Variants in IL1RL1 observed in about 807,000 individuals in gnomAD.
IL1RL1 encodes the protein interleukin 1 receptor like 1.
IL1RL1 carries 32 observed loss-of-function variants against 50.9 expected under a neutral mutation model. That is an observed-to-expected ratio of 0.63 (90% CI 0.47 to 0.84). The LOEUF (loss-of-function observed/expected upper bound fraction) is 0.84. IL1RL1 is among the 40% of genes least tolerant of loss of function. The probability of loss-of-function intolerance (pLI) is 0.00; values close to 1 mark genes in which losing one functional copy is unlikely to be tolerated. For synonymous variants in IL1RL1, 275 were observed against 236.0 expected (o/e 1.17, Z -1.51); for missense variants, 773 against 662.9 (o/e 1.17, Z -1.82).
At chr2:102,341,710 G>T (rs996982737) in intron 5 of IL1RL1, among the ~76,000 whole-genome samples, 6 of 152,152 alleles carry the variant, frequency 3.9e-5, no homozygotes, top group African/African-American at 1.4e-4. Flanking sequence ...ATGGAGGATT[G>T]CAGCAGTGCT....
At chr2:102,329,590 T>A (rs1213797703) in intron 1 of IL1RL1, among the ~76,000 whole-genome samples, 1 of 152,164 alleles carries the variant, frequency 6.6e-6, no homozygotes, top group East Asian at 1.9e-4. Flanking sequence ...AATCTACTTA[T>A]CTGACAAAGG....
At chr2:102,343,926 C>T (rs192786331) in intron 8 of IL1RL1, 1 of 992,918 alleles carries the variant, frequency 1.0e-6, no homozygotes, top group African/African-American at 1.7e-5. Context: ...ATCCTAGGTG[C>T]TACTTTATAA....
intron 1 of IL1RL1, among the ~76,000 whole-genome samples, chr2:102,321,166 G>T (rs1676826031): frequency 6.6e-6 from 1 of 152,148 alleles, no homozygotes; most frequent in South Asian, 2.1e-4. Context: ...GGCCTTCCCA[G>T]GACATCTGGC....
chr2:102,340,627 G>A, intron 4 of IL1RL1, 39 bp from the exon 5 acceptor site: 1 of 1,567,414 alleles, frequency 6.4e-7, no homozygotes, highest in Non-Finnish European at 8.6e-7. Context: ...AAATAAAAGT[G>A]AAGAATTACT....
chr2:102,313,564 C>A (rs1197505862), intron 1 of IL1RL1: 1 of 152,198 alleles, frequency 6.6e-6, no homozygotes, highest in Non-Finnish European at 1.5e-5. Context: ...TAGGAGAATT[C>A]TTCCTCTATG....
chr2:102,316,013 C>T (rs537275560), intron 1 of IL1RL1, among the ~76,000 whole-genome samples: 1 of 152,300 alleles, frequency 6.6e-6, no homozygotes, highest in Admixed American at 6.5e-5. Context: ...TCATCCTCCC[C>T]TTATCTCAGT....
Position 102,351,891 on chromosome 2 carries a change from T to C in IL1RL1, c.1641T>C (p.Ser547=). The stretch of plus-strand genomic sequence containing the variant: ...GCAAAATTCCCAGAAAGGCCTCTAG[T>C]TTGACTCCCTTGGCTGCCCAGAAGC... The part of the protein sequence containing the change: ...VPSKIPRKAS[S]LTPLAAQKQ The change falls in exon 11 of 11, where the codon AGT becomes AGC. Residue 547 remains serine (S), a synonymous_variant. Transcript: ENST00000233954. 6.2e-7 allele frequency: 1 copy of C among 1,612,952 alleles called. No individual in the cohort carries two copies. The highest frequency in any genetic ancestry group is 8.5e-7 in the Non-Finnish European group (1 of 1,179,440).
intron 1 of IL1RL1, among the ~76,000 whole-genome samples, chr2:102,317,868 A>T (rs1027452112): frequency 1.3e-5 from 2 of 152,120 alleles, no homozygotes; most frequent in Non-Finnish European, 2.9e-5. Flanking sequence ...CCTCATTGAG[A>T]AAGTGAGGGA....
chr2:102,319,827 CA>C (rs1040753747), intron 1 of IL1RL1, among the ~76,000 whole-genome samples: 1 of 152,034 alleles, frequency 6.6e-6, no homozygotes, highest in Admixed American at 6.5e-5. Flanking sequence ...AAGCTGGGAC[CA>C]TGGGCATGTG....
chr2:102,326,372 C>A (rs1676998630), intron 1 of IL1RL1, among the ~76,000 whole-genome samples: 1 of 152,080 alleles, frequency 6.6e-6, no homozygotes, highest in Non-Finnish European at 1.5e-5. Context: ...TGGAAAGGAA[C>A]AACCGGTACC....
At chr2:102,352,119 C>T, downstream of IL1RL1, 1 of 532,612 alleles carries the variant, frequency 1.9e-6, no homozygotes, top group African/African-American at 1.9e-5. Flanking sequence ...CCTCAATCCT[C>T]CACCATCCTC....
intron 1 of IL1RL1, chr2:102,313,406 G>T (rs1326672071): frequency 6.6e-6 from 1 of 152,146 alleles, no homozygotes; most frequent in Non-Finnish European, 1.5e-5. Context: ...CAGGATCTGG[G>T]ATTCTCTCTG....
chr2:102,312,002 T>TAATATATATATATA (rs796738532), intron 1 of IL1RL1, among the ~76,000 whole-genome samples: 1 of 28,538 alleles, frequency 3.5e-5, no homozygotes, highest in Non-Finnish European at 5.7e-5. Flanking sequence ...ATATAATATA[T>TAATATATATATATA]TTATATATAT....
chr2:102,346,634 G>C (rs568879600), intron 8 of IL1RL1, among the ~76,000 whole-genome samples: 3 of 152,296 alleles, frequency 2.0e-5, no homozygotes, highest in African/African-American at 7.2e-5. Flanking sequence ...GAGTGACCTG[G>C]AAAGGAATCC....
rs188504053 is a variant in IL1RL1 at position 102,342,262 on chromosome 2, C to A, written c.650C>A (p.Pro217His). Residue 217 changes from proline (P) to histidine (H), a missense_variant, in exon 6 of 11, where the codon CCT becomes CAT. Transcript: ENST00000233954. ...TCTCTGTTTCCAGTAATCGGAGCCC[C>A]TGCACAAAATGAAATAAAGGAAGTG... ...GFSLFPVIGA[P>H]AQNEIKEVEI... 6.2e-7 allele frequency: 1 copy of A among 1,612,104 alleles called. No individual in the cohort carries two copies. Among genetic ancestry groups the A allele is most frequent in the Admixed American group, 1.7e-5 (1 of 59,974 alleles).
chr2:102,319,831 G>A (rs930025068), intron 1 of IL1RL1, among the ~76,000 whole-genome samples: 1 of 152,210 alleles, frequency 6.6e-6, no homozygotes. Flanking sequence ...TGGGACCATG[G>A]GCATGTGCCA....
At chr2:102,312,446 T>G (rs1165756629) in intron 1 of IL1RL1, among the ~76,000 whole-genome samples, 1 of 151,902 alleles carries the variant, frequency 6.6e-6, no homozygotes, top group Non-Finnish European at 1.5e-5. Flanking sequence ...AAGACCTGGT[T>G]GAGGGTAAGA....
chr2:102,318,414 C>T (rs1338871084), intron 1 of IL1RL1, among the ~76,000 whole-genome samples: 1 of 148,190 alleles, frequency 6.7e-6, no homozygotes, highest in African/African-American at 2.7e-5. Flanking sequence ...GATGAAGTTG[C>T]CATCAACCAA....
intron 1 of IL1RL1, among the ~76,000 whole-genome samples, chr2:102,320,168 A>G (rs1676796208): frequency 6.6e-6 from 1 of 152,188 alleles, no homozygotes; most frequent in Non-Finnish European, 1.5e-5. Context: ...TGGTGCCTAT[A>G]CAATGCCTTA....
Sources: allele counts gnomAD v4.1 joint callset (sites outside exome capture counted in the v4.1 genomes callset), GRCh38; gene constraint gnomAD v4.1.1; transcripts MANE v1.5; gene names NCBI Gene and HGNC (gene_info 2026-07-23, HGNC 2026-07-21).